Variants in MACROD2 observed in about 807,000 individuals in gnomAD.
MACROD2 encodes the protein mono-ADP ribosylhydrolase 2.
Under a neutral mutation model 70.4 loss-of-function variants are expected in MACROD2, and 36 were observed. The ratio of observed to expected loss-of-function variants is 0.51; its 90% CI spans 0.39 to 0.68. MACROD2 has a LOEUF of 0.68. MACROD2 is among the 30% of genes least tolerant of loss of function. MACROD2 has a pLI of 0.00. For missense variants in MACROD2, 496 were observed against 538.4 expected (o/e 0.92, Z 0.78); for synonymous variants, 172 against 178.8 (o/e 0.96, Z 0.30).
intron 8 of MACROD2, among the ~76,000 whole-genome samples, chr20:15,735,847 A>G (rs2051012208): frequency 6.6e-6 from 1 of 152,204 alleles, no homozygotes; most frequent in Admixed American, 6.5e-5. Context: ...CAGAAGACAA[A>G]TCAGTGCAGA....
At chr20:14,416,106 A>ATGAG (rs2083801433) in intron 3 of MACROD2, among the ~76,000 whole-genome samples, 2 of 151,654 alleles carry the variant, frequency 1.3e-5, no homozygotes, top group Admixed American at 6.6e-5. Context: ...TTACAGGCAC[A>ATGAG]CACCACCACG....
chr20:15,895,286 A>G (rs903444626), intron 10 of MACROD2, among the ~76,000 whole-genome samples: 3 of 152,228 alleles, frequency 2.0e-5, no homozygotes, highest in African/African-American at 7.2e-5. Flanking sequence ...TATGTGGTCT[A>G]ACAATCTGCT....
At chr20:14,537,575 A>C (rs564879231) in intron 4 of MACROD2, among the ~76,000 whole-genome samples, 4 of 152,296 alleles carry the variant, frequency 2.6e-5, no homozygotes, top group African/African-American at 7.2e-5. Context: ...TGGTGTGTAT[A>C]GGAACCAGAT....
At chr20:15,676,462 A>C (rs572806779) in intron 8 of MACROD2, among the ~76,000 whole-genome samples, 14 of 152,282 alleles carry the variant, frequency 9.2e-5, no homozygotes, top group African/African-American at 3.4e-4. Flanking sequence ...ATAACCAAAA[A>C]CCACATCTAT....
At chr20:15,628,930 T>C (rs1171888198) in intron 8 of MACROD2, among the ~76,000 whole-genome samples, 7 of 152,258 alleles carry the variant, frequency 4.6e-5, no homozygotes, top group African/African-American at 1.7e-4. Flanking sequence ...ATCCATGTTG[T>C]TACATGCAGT....
At chr20:15,924,667 C>T (rs548893179) in intron 10 of MACROD2, among the ~76,000 whole-genome samples, 2 of 152,208 alleles carry the variant, frequency 1.3e-5, no homozygotes, top group South Asian at 2.1e-4. Context: ...GCATCTTGAA[C>T]GTTGTAGGTA....
chr20:14,846,086 A>C (rs954465712), intron 5 of MACROD2, among the ~76,000 whole-genome samples: 2 of 152,142 alleles, frequency 1.3e-5, no homozygotes, highest in Non-Finnish European at 2.9e-5. Context: ...TGATGTAGTC[A>C]AAAAAAGTAT....
At chr20:15,711,724 C>G (rs2050632258) in intron 8 of MACROD2, among the ~76,000 whole-genome samples, 1 of 152,206 alleles carries the variant, frequency 6.6e-6, no homozygotes, top group Non-Finnish European at 1.5e-5. Context: ...CACTTTCAAT[C>G]CACTTTCTGA....
At chr20:14,710,485 A>AT (rs1204242367) in intron 5 of MACROD2, among the ~76,000 whole-genome samples, 1 of 152,254 alleles carries the variant, frequency 6.6e-6, no homozygotes, top group Admixed American at 6.5e-5. Context: ...TGGAAAGACG[A>AT]TGAGCATGGA....
Position 15,805,676 on chromosome 20 carries a change from A to G in MACROD2, c.646-57069A>G, listed in dbSNP as rs189308311. Among the ~76,000 whole-genome samples, 361 of 152,192 alleles carry G rather than the reference A, an allele frequency of 2.4e-3. 2 individuals are homozygous for G. Among genetic ancestry groups the G allele is most frequent in the African/African-American group, 8.3e-3 (344 of 41,534 alleles). On this transcript the variant is annotated intron_variant, in intron 8 of 17. Coordinates refer to ENST00000684519, the MANE Select transcript of MACROD2 (RefSeq NM_001351661.2). The stretch of plus-strand genomic sequence containing the variant: ...TATTTAGTAGAGACGGGGTTTCTCC[A>G]TGTTGGTAAGGCTGGTCTCAAACTC...
chr20:15,419,094 C>T (rs1031231195), intron 6 of MACROD2, among the ~76,000 whole-genome samples: 3 of 151,970 alleles, frequency 2.0e-5, no homozygotes, highest in Non-Finnish European at 4.4e-5. Flanking sequence ...CGAAGTGGTC[C>T]CAGAAAACAC....
At chr20:15,234,009 A>ATTTTTTTT (rs1342277075) in intron 6 of MACROD2, among the ~76,000 whole-genome samples, 2 of 39,994 alleles carry the variant, frequency 5.0e-5, no homozygotes, top group Non-Finnish European at 9.4e-5. Context: ...ATATATATAT[A>ATTTTTTTT]TTCTTTTTTT....
At chr20:15,313,410 G>A (rs2077774892) in intron 6 of MACROD2, among the ~76,000 whole-genome samples, 1 of 151,246 alleles carries the variant, frequency 6.6e-6, no homozygotes, top group African/African-American at 2.4e-5. Flanking sequence ...GGGAGGCTGA[G>A]GCAGGAGAAT....
At chr20:15,090,378 T>A (rs898523953) in intron 5 of MACROD2, among the ~76,000 whole-genome samples, 1 of 152,082 alleles carries the variant, frequency 6.6e-6, no homozygotes. Context: ...AAGATGGTGA[T>A]CATTTTCTTT....
intron 8 of MACROD2, among the ~76,000 whole-genome samples, chr20:15,500,452 G>C (rs2047350673): frequency 6.6e-6 from 1 of 152,144 alleles, no homozygotes. Flanking sequence ...AATTACTCAA[G>C]TAAACAAAGC....
At chr20:15,605,567 TA>T (rs766564744) in intron 8 of MACROD2, among the ~76,000 whole-genome samples, 5 of 150,974 alleles carry the variant, frequency 3.3e-5, no homozygotes, top group Non-Finnish European at 7.4e-5. Context: ...CCAAATAGAA[TA>T]AACAAAATGA....
chr20:14,441,167 A>C (rs1050120608), intron 3 of MACROD2, among the ~76,000 whole-genome samples: 3 of 152,196 alleles, frequency 2.0e-5, no homozygotes, highest in Non-Finnish European at 2.9e-5. Flanking sequence ...GTGACTTCTA[A>C]TGCTAGACCT....
chr20:15,530,833 A>G (rs548522592), intron 8 of MACROD2, among the ~76,000 whole-genome samples: 1 of 152,166 alleles, frequency 6.6e-6, no homozygotes, highest in Admixed American at 6.5e-5. Context: ...TATACTCCTG[A>G]CAAGATTAGC....
chr20:15,728,001 A>G (rs191963468), intron 8 of MACROD2, among the ~76,000 whole-genome samples: 4 of 152,040 alleles, frequency 2.6e-5, no homozygotes, highest in Non-Finnish European at 5.9e-5. Context: ...GAATGCTTCC[A>G]GCTTTTGCCT....
Sources: allele counts gnomAD v4.1 joint callset (sites outside exome capture counted in the v4.1 genomes callset), GRCh38; gene constraint gnomAD v4.1.1; transcripts MANE v1.5; gene names NCBI Gene and HGNC (gene_info 2026-07-23, HGNC 2026-07-21).